DMD: variants seen among roughly 807,000 people sequenced by gnomAD.
The protein encoded by DMD is mutant dystrophin.
Under a neutral mutation model 330.1 loss-of-function variants are expected in DMD, and 63 were observed. The observed-to-expected ratio is 0.19, with a 90% CI of 0.16 to 0.24. The LOEUF is 0.24. Among genes scored for constraint, DMD ranks in the 10% least tolerant of loss-of-function variants. The probability of loss-of-function intolerance (pLI) is 1.00; values close to 1 mark genes in which losing one functional copy is unlikely to be tolerated. For synonymous variants in DMD, 1,223 were observed against 959.8 expected, an observed-to-expected ratio of 1.27 and a Z score of -5.07; for missense variants, 3,344 against 2,684.1, an observed-to-expected ratio of 1.25 and a Z score of -5.43.
At chrX:32,413,164 A>G in intron 29 of DMD, among the ~76,000 whole-genome samples, 1 of 110,710 alleles carries the variant, frequency 9.0e-6, no homozygotes, top group Non-Finnish European at 1.9e-5. Context: ...TCTCAACTCT[A>G]CATCTCTCAA....
At chrX:32,865,029 G>A (rs2082370709) in intron 2 of DMD, among the ~76,000 whole-genome samples, 1 of 111,226 alleles carries the variant, frequency 9.0e-6, no homozygotes, top group African/African-American at 3.3e-5. Context: ...TATAGTATCT[G>A]GAAGCAAATA....
At chrX:32,944,538 T>C (rs1469784526) in intron 2 of DMD, among the ~76,000 whole-genome samples, 1 of 111,683 alleles carries the variant, frequency 9.0e-6, no homozygotes, top group Non-Finnish European at 1.9e-5. Flanking sequence ...ATTTTTATTA[T>C]ATACACTTGA....
intron 29 of DMD, among the ~76,000 whole-genome samples, chrX:32,435,175 T>A (rs1165822257): frequency 9.5e-6 from 1 of 105,675 alleles, no homozygotes; most frequent in Non-Finnish European, 1.9e-5. Flanking sequence ...CATATTGCAC[T>A]ATCTGCATTT....
chrX:32,254,458 G>C (rs1233114519), intron 43 of DMD, among the ~76,000 whole-genome samples: 1 of 112,243 alleles, frequency 8.9e-6, no homozygotes, highest in East Asian at 2.8e-4. Flanking sequence ...TCACTTGCTA[G>C]TTATGCTTAC....
intron 41 of DMD, among the ~76,000 whole-genome samples, chrX:32,319,162 A>C (rs2097597628): frequency 8.9e-6 from 1 of 111,761 alleles, no homozygotes; most frequent in African/African-American, 3.2e-5. Context: ...ATAAAATTTT[A>C]GTCACTAAGT....
intron 7 of DMD, among the ~76,000 whole-genome samples, chrX:32,792,325 C>CAA (rs200765693): frequency 2.8e-5 from 3 of 108,301 alleles, no homozygotes; most frequent in African/African-American, 1.0e-4. Context: ...TGCAAACACA[C>CAA]AAAAAAAATC....
intron 43 of DMD, among the ~76,000 whole-genome samples, chrX:32,255,518 G>T (rs891527679): frequency 9.1e-6 from 1 of 110,127 alleles, no homozygotes; most frequent in Non-Finnish European, 1.9e-5. Flanking sequence ...TTACTATCTT[G>T]TTCCTTACAG....
intron 45 of DMD, among the ~76,000 whole-genome samples, chrX:31,967,540 T>C (rs2095362876): frequency 9.0e-6 from 1 of 110,982 alleles, no homozygotes; most frequent in South Asian, 3.7e-4. Flanking sequence ...TCCTGAATAT[T>C]AAAATCCACC....
chrX:32,725,902 A>AC (rs2066825926), intron 7 of DMD, among the ~76,000 whole-genome samples: 1 of 110,993 alleles, frequency 9.0e-6, no homozygotes, highest in Admixed American at 9.6e-5. Context: ...TGTGATTATT[A>AC]TTTACTGCAT....
At chrX:32,777,277 T>TGGGGGGGGGGGGGTTGG (rs546914107) in intron 7 of DMD, among the ~76,000 whole-genome samples, 4 of 2,113 alleles carry the variant, frequency 1.9e-3, no homozygotes, top group African/African-American at 0.012. Flanking sequence ...GGTTTCTGGT[T>TGGGGGGGGGGGGGTTGG]GGGGGGGGAA....
At chrX:32,550,378 C>T (rs2049418363) in intron 16 of DMD, among the ~76,000 whole-genome samples, 1 of 111,512 alleles carries the variant, frequency 9.0e-6, no homozygotes, top group Non-Finnish European at 1.9e-5. Context: ...CAAACTGCTC[C>T]TGAATGACCT....
At chrX:31,746,110 C>T (rs1003557880) in intron 51 of DMD, among the ~76,000 whole-genome samples, 2 of 112,184 alleles carry the variant, frequency 1.8e-5, no homozygotes, top group South Asian at 3.7e-4. Flanking sequence ...TGCATTCAAC[C>T]TTTTCACGTT....
At chrX:33,268,981 T>C (rs1569559353) in intron 1 of DMD, among the ~76,000 whole-genome samples, 1 of 109,624 alleles carries the variant, frequency 9.1e-6, no homozygotes. Context: ...GCTTATACAC[T>C]GTTGGTTGGA....
intron 7 of DMD, among the ~76,000 whole-genome samples, chrX:32,704,922 TA>T (rs2064472169): frequency 8.9e-6 from 1 of 112,440 alleles, no homozygotes; most frequent in African/African-American, 3.2e-5. Context: ...TAAAGTGGAT[TA>T]TTTTTTGAGG....
chrX:31,266,964 G>C lies in DMD; in HGVS notation c.9225-5948C>G, dbSNP rs998296702. On this transcript the variant is annotated intron_variant, in intron 62 of 78. Transcript: ENST00000357033. ...CAGCTGAAAGCACTGCGGAGGAGCCGGCGCGGGCGGGCCGGGGAGGGGGCG... is the reference window on the plus strand; with the variant it reads ...CAGCTGAAAGCACTGCGGAGGAGCCCGCGCGGGCGGGCCGGGGAGGGGGCG... 1.4e-5 allele frequency: 15 copies of C among 1,037,986 alleles called. No individual in the cohort carries two copies. In the African/African-American group the frequency reaches 2.4e-4, roughly 16 times the overall value. 85.5% of individuals were successfully genotyped at this position (1,037,986 alleles called of 1,213,427 possible).
At chrX:31,396,678 T>C (rs1052486816) in intron 60 of DMD, among the ~76,000 whole-genome samples, 6 of 109,182 alleles carry the variant, frequency 5.5e-5, no homozygotes, top group Admixed American at 5.0e-4. Context: ...TCCTCAGAGA[T>C]TGAGAAAGGT....
chrX:31,194,606 GATGT>G (rs1201624310), intron 67 of DMD, among the ~76,000 whole-genome samples: 1 of 112,372 alleles, frequency 8.9e-6, no homozygotes, highest in African/African-American at 3.2e-5. Context: ...GGATTGAACA[GATGT>G]ATGACACAGA....
intron 1 of DMD, among the ~76,000 whole-genome samples, chrX:33,037,019 CAG>C (rs1229685463): frequency 3.6e-5 from 4 of 111,046 alleles, no homozygotes; most frequent in Non-Finnish European, 7.5e-5. Flanking sequence ...GGAGATGTGA[CAG>C]AGAGTCCTGG....
At chrX:32,797,151 T>A (rs1269548394) in intron 7 of DMD, among the ~76,000 whole-genome samples, 1 of 111,195 alleles carries the variant, frequency 9.0e-6, no homozygotes, top group Non-Finnish European at 1.9e-5. Context: ...GGACAGGGCC[T>A]CAGTTCTTTT....
Sources: allele counts gnomAD v4.1 joint callset (sites outside exome capture counted in the v4.1 genomes callset), GRCh38; gene constraint gnomAD v4.1.1; transcripts MANE v1.5; gene names NCBI Gene and HGNC (gene_info 2026-07-23, HGNC 2026-07-21).